The following ACOX1 variants were observed in gnomAD, a reference collection of about 807,000 sequenced individuals.
ACOX1 encodes the protein peroxisomal acyl-coenzyme A oxidase 1.
A neutral mutation model predicts 75.5 loss-of-function variants in ACOX1; 41 were observed. The ratio of observed to expected loss-of-function variants is 0.54; its 90% CI spans 0.42 to 0.70. ACOX1 has a LOEUF of 0.70. Ranked by LOEUF, ACOX1 falls within the 30% of genes least tolerant of loss-of-function variation. The probability of loss-of-function intolerance (pLI) is 0.00; values close to 1 mark genes in which losing one functional copy is unlikely to be tolerated. For synonymous variants in ACOX1, 303 were observed against 298.8 expected (o/e 1.01, Z -0.15); for missense variants, 630 against 837.5 (o/e 0.75, Z 3.06).
At chr17:75,968,261 C>G (rs971028901) in intron 2 of ACOX1, among the ~76,000 whole-genome samples, 6 of 147,574 alleles carry the variant, frequency 4.1e-5, no homozygotes, top group Non-Finnish European at 7.5e-5. Flanking sequence ...ACGGTGAAAC[C>G]CCGTCTCTAC....
Position 75,979,001 on chromosome 17 carries a change from C to T in ACOX1, c.73G>A (p.Gly25Ser), listed in dbSNP as rs537854960. 6.8e-6 allele frequency: 11 copies of T among 1,611,734 alleles called. No homozygotes were observed. The East Asian group carries it at 2.5e-4, about 36-fold the overall frequency. ...CGGCGCCGGGTTTTCTCGGGGCTGC[C>T]GTCCAGGATGTGTGTAAGCAGCTCC... The part of the protein sequence containing the change: ...NPELLTHILD[G>S]SPEKTRRRRE... The change falls in exon 1 of 14, where the codon GGC (glycine) becomes AGC (serine). Residue 25 changes from glycine to serine, a missense_variant. By Grantham distance (56) the Gly-to-Ser change is moderately conservative. This residue lies in a region of ACOX1 where 390 missense variants were observed against 574.9 expected (regional missense o/e 0.68). Coordinates refer to ENST00000293217, the MANE Select transcript of ACOX1 (RefSeq NM_004035.7).
In ACOX1 at chr17:75,978,566, G is replaced by A. The variant is rs201703373; in HGVS notation, c.237C>T (p.Ile79=). Residue 79 remains isoleucine (I), a synonymous_variant, in exon 2 of 14, where the codon ATC becomes ATT. Transcript: ENST00000293217. The surrounding 1 kb of genome is among the most constrained non-coding windows in gnomAD (Gnocchi z 4.2). The part of the protein sequence containing the change: ...IMVKKMREFG[I]ADPDEIMWFK... ...ACCACATAATTTCATCAGGGTCAGC[G>A]ATGCCAAACTCCCTCATCTTCTTCA... 2 of 1,614,170 alleles carry A rather than the reference G, an allele frequency of 1.2e-6. No homozygotes were observed. The highest frequency in any genetic ancestry group is 1.1e-5 in the South Asian group (1 of 91,076).
rs1382494228 is a variant in ACOX1, at chr17:75,950,289, A to T, written c.1299-392T>A. Among the ~76,000 whole-genome samples the T allele has an allele frequency of 6.7e-6, 1 of 148,590 alleles. No individual in the cohort carries two copies. The highest frequency in any genetic ancestry group is 1.5e-5 in the Non-Finnish European group (1 of 67,352). On this transcript the variant is annotated intron_variant, in intron 9 of 13. Coordinates refer to ENST00000293217, the MANE Select transcript of ACOX1 (RefSeq NM_004035.7). This position sits in a 1 kb window ranked among gnomAD's most constrained non-coding sequence, Gnocchi z 4.3. ...GATGGAGTTTTCGCTCTTGTTGCCC[A>T]GGATGGAGTGCAATAGCGCAATCTT...
rs2065881798 is a variant in ACOX1 at position 75,960,969 on chromosome 17, AC to A, written c.270-595del. On this transcript the variant is annotated intron_variant, in intron 2 of 13. Transcript: ENST00000293217. The surrounding 1 kb of genome is among the most constrained non-coding windows in gnomAD (Gnocchi z 4.4). The stretch of plus-strand genomic sequence containing the variant: ...ATTCCAGCCTGGGTGACAGAGTGAG[AC>A]TCTGTCTCAAAAAAAATAAATAAAT... 1.3e-5 allele frequency among the ~76,000 whole-genome samples: 2 copies of A among 151,582 alleles called. No homozygotes were observed. Among genetic ancestry groups the A allele is most frequent in the South Asian group, 4.1e-4 (2 of 4,820 alleles).
chr17:75,965,955 C>T (rs2065928194), intron 2 of ACOX1, among the ~76,000 whole-genome samples: 2 of 151,610 alleles, frequency 1.3e-5, no homozygotes, highest in Admixed American at 1.3e-4. Context: ...CATGGTGAAA[C>T]CCCATCTCTA....
chr17:75,971,812 G>A (rs2065998116), intron 2 of ACOX1, among the ~76,000 whole-genome samples: 1 of 151,780 alleles, frequency 6.6e-6, no homozygotes, highest in Non-Finnish European at 1.5e-5. Flanking sequence ...AGAAGCATTA[G>A]ACCAACAAGA....
intron 8 of ACOX1, 124 bp downstream of exon 8, chr17:75,951,288 CAGA>C (rs1193132479): frequency 6.0e-5 from 71 of 1,192,272 alleles, no homozygotes; most frequent in African/African-American, 4.2e-4. Flanking sequence ...TACTTTCAAC[CAGA>C]AGAAGTTCTC....
rs570155004 is a variant in ACOX1, at chr17:75,978,465, A to C, written c.269+69T>G. ...TTCAAACACCAAGCACGGTGATGAA[A>C]GGCCACCATAGACCGCAGCTGTAAA... On this transcript the variant is annotated intron_variant, in intron 2 of 13. Transcript: ENST00000293217. The surrounding 1 kb of genome is among the most constrained non-coding windows in gnomAD (Gnocchi z 4.2). The C allele has an allele frequency of 1.4e-4, 227 of 1,586,954 alleles. No homozygotes were observed. Among genetic ancestry groups the C allele is most frequent in the Non-Finnish European group, 1.8e-4 (209 of 1,156,040 alleles).
chr17:75,961,033 C>T (rs2065882513), intron 2 of ACOX1, among the ~76,000 whole-genome samples: 1 of 151,740 alleles, frequency 6.6e-6, no homozygotes, highest in South Asian at 2.1e-4. Context: ...TGGCTCCCAC[C>T]TATAATCTCA....
At position 75,978,769 on chromosome 17, in the gene ACOX1, G is replaced by A; in HGVS notation, c.110-76C>T. On this transcript the variant is annotated intron_variant, in intron 1 of 13. Transcript: ENST00000293217. This position sits in a 1 kb window ranked among gnomAD's most constrained non-coding sequence, Gnocchi z 4.2. Reference sequence around the variant, plus strand: ...GTTCCACCCTCCCTGAATCACAATAGGCTTCAGAGTCGCGGACACACCTGG... The same window carrying A: ...GTTCCACCCTCCCTGAATCACAATAAGCTTCAGAGTCGCGGACACACCTGG... 1 of 1,610,936 alleles carries A rather than the reference G, an allele frequency of 6.2e-7. No homozygotes were observed. The highest frequency in any genetic ancestry group is 2.2e-5 in the East Asian group (1 of 44,868).
chr17:75,966,541 CG>C (rs2065934505), intron 2 of ACOX1, among the ~76,000 whole-genome samples: 2 of 148,380 alleles, frequency 1.3e-5, no homozygotes, highest in Admixed American at 1.3e-4. Context: ...CGGTGGCTCA[CG>C]CCTGTAATCC....
Position 75,960,284 on chromosome 17 carries a change from C to T in ACOX1, c.361G>A (p.Glu121Lys), listed in dbSNP as rs764762697. 5 of 1,614,102 alleles carry T rather than the reference C, an allele frequency of 3.1e-6. No homozygotes were observed. Among genetic ancestry groups the T allele is most frequent in the African/African-American group, 1.3e-5 (1 of 74,928 alleles). The change falls in exon 3 of 14, where the codon GAG becomes AAG. Residue 121 changes from glutamate (E) to lysine (K), a missense_variant. Around this residue, in one of 2 missense-constraint regions of ACOX1, gnomAD observed 390 missense variants for 574.9 expected, o/e 0.68. Transcript: ENST00000293217. The surrounding 1 kb of genome is among the most constrained non-coding windows in gnomAD (Gnocchi z 4.4). ...TTCCAGGCGGGCATGAAGAAGCGCT[C>T]CTGCTGCTCCGCAGTTGCCTGGTGA... ...LLHQATAEQQ[E>K]RFFMPAWNLE...
At position 75,944,947 on chromosome 17, in the gene ACOX1, T is replaced by C. The variant is rs2065706409; in HGVS notation, c.*1801A>G. On this transcript the variant is annotated 3_prime_UTR_variant, in exon 14 of 14. Transcript: ENST00000293217. ...TTTCAGTAGAGACGGGGTTTCACCA[T>C]GTTGGCCAGGATGGTCTCAAACTCC... is the stretch of plus-strand genomic sequence containing the variant. 6.6e-6 allele frequency: 1 copy of C among 152,178 alleles called. No homozygotes were observed. Among genetic ancestry groups the C allele is most frequent in the South Asian group, 2.1e-4 (1 of 4,828 alleles). 9.4% of individuals were successfully genotyped at this position (152,178 alleles called of 1,614,324 possible). A position where few individuals can be genotyped will look rare whatever the true frequency, so the allele number is the denominator to read the frequency against.
At position 75,972,246 on chromosome 17, in the gene ACOX1, G is replaced by A. The variant is rs371160575; in HGVS notation, c.269+6288C>T. Among the ~76,000 whole-genome samples, 73 of 147,928 alleles carry A rather than the reference G, an allele frequency of 4.9e-4. No individual in the cohort carries two copies. The East Asian group carries it at 0.013, about 27-fold the overall frequency. On this transcript the variant is annotated intron_variant, in intron 2 of 13. Transcript: ENST00000293217. The stretch of plus-strand genomic sequence containing the variant: ...AGGAGCTGAGGCAGGAGAATGGCGT[G>A]AACCCAGGAGGCGGAGCTTGCACCG...
At chr17:75,955,000 T>G (rs554273038) in intron 6 of ACOX1, among the ~76,000 whole-genome samples, 2 of 152,254 alleles carry the variant, frequency 1.3e-5, no homozygotes, top group East Asian at 3.9e-4. Flanking sequence ...CCTGAGTAGC[T>G]GGGACTACAG....
chr17:75,949,759 G>A lies in ACOX1; in HGVS notation c.1437C>T (p.Ser479=), dbSNP rs1373121649. The change falls in exon 10 of 14, where the codon AGC becomes AGT. Residue 479 remains serine (S), a synonymous_variant. Transcript: ENST00000293217. ...TATATGCTTCGGTTAGGCTTTCGGGGCTGTTGATATCCACCATGGTTGGCC... is the reference window on the plus strand; with the variant it reads ...TATATGCTTCGGTTAGGCTTTCGGGACTGTTGATATCCACCATGGTTGGCC... ...AVWPTMVDIN[S]PESLTEAYKL... is the part of the protein sequence containing the mutation. 1.2e-6 allele frequency: 2 copies of A among 1,614,004 alleles called. No homozygotes were observed. The highest frequency in any genetic ancestry group is 1.3e-5 in the African/African-American group (1 of 74,884).
chr17:75,958,749 AGTGAGCTG>A (rs2065861748), intron 3 of ACOX1, among the ~76,000 whole-genome samples: 1 of 150,366 alleles, frequency 6.7e-6, no homozygotes, highest in East Asian at 2.0e-4. Context: ...TGGAGCTTGC[AGTGAGCTG>A]AGATCGCGCC....
Position 75,960,147 on chromosome 17 carries a change from G to A in ACOX1, c.430+68C>T. On this transcript the variant is annotated intron_variant, in intron 3 of 13. Coordinates refer to ENST00000293217, the MANE Select transcript of ACOX1 (RefSeq NM_004035.7). The surrounding 1 kb of genome is among the most constrained non-coding windows in gnomAD (Gnocchi z 4.4). ...CGACACACCATCGATGGCACATGGT[G>A]GGCACTCCACACATGGTAAGCTCAC... is the stretch of plus-strand genomic sequence containing the variant. The A allele has an allele frequency of 1.3e-6, 2 of 1,586,076 alleles. No homozygotes were observed. Among genetic ancestry groups the A allele is most frequent in the East Asian group, 2.2e-5 (1 of 44,654 alleles).
At chr17:75,952,705 C>T (rs1374732489) in intron 7 of ACOX1, among the ~76,000 whole-genome samples, 1 of 151,614 alleles carries the variant, frequency 6.6e-6, no homozygotes, top group Admixed American at 6.6e-5. Flanking sequence ...TGGCGTGCAC[C>T]TGTAATCCCA....
Sources: allele counts gnomAD v4.1 joint callset (sites outside exome capture counted in the v4.1 genomes callset), GRCh38; gene constraint gnomAD v4.1.1; regional missense constraint gnomAD v4.1.1; non-coding constraint Gnocchi (gnomAD v3.1); transcripts MANE v1.5; gene names NCBI Gene and HGNC (gene_info 2026-07-23, HGNC 2026-07-21).